NRG3: variants seen among roughly 807,000 people sequenced by gnomAD.
The protein encoded by NRG3 is neuregulin 3.
A neutral mutation model predicts 66.9 loss-of-function variants in NRG3; 31 were observed. The ratio of observed to expected loss-of-function variants is 0.46; its 90% CI spans 0.35 to 0.63. The LOEUF (loss-of-function observed/expected upper bound fraction) is 0.63. NRG3 is among the 20% of genes least tolerant of loss of function. The pLI, the probability that NRG3 is intolerant of heterozygous loss-of-function variation, is 0.00. For missense variants in NRG3, 910 were observed against 878.9 expected (o/e 1.04, Z -0.45); for synonymous variants, 393 against 359.4 (o/e 1.09, Z -1.06).
chr10:82,692,251 C>T (rs905748782), intron 2 of NRG3, among the ~76,000 whole-genome samples: 16 of 120,778 alleles, frequency 1.3e-4, no homozygotes, highest in Non-Finnish European at 1.4e-4. Context: ...GATTCCATCT[C>T]AAAAAAAAAA....
chr10:82,412,268 G>A (rs2088153715), intron 2 of NRG3, among the ~76,000 whole-genome samples: 1 of 152,100 alleles, frequency 6.6e-6, no homozygotes, highest in Non-Finnish European at 1.5e-5. Context: ...GGAACGTTGT[G>A]GTTTCAGTTT....
chr10:82,854,834 C>G (rs894743824), intron 3 of NRG3, among the ~76,000 whole-genome samples: 1 of 152,166 alleles, frequency 6.6e-6, no homozygotes, highest in African/African-American at 2.4e-5. Flanking sequence ...ATTCTTTTCA[C>G]TACATTCTCA....
chr10:82,325,630 T>C (rs1425993337), intron 1 of NRG3, among the ~76,000 whole-genome samples: 1 of 152,130 alleles, frequency 6.6e-6, no homozygotes, highest in African/African-American at 2.4e-5. Flanking sequence ...TTTTTTGCAT[T>C]TCCTTTGTTG....
intron 1 of NRG3, among the ~76,000 whole-genome samples, chr10:82,091,847 T>C (rs2066044436): frequency 6.6e-6 from 1 of 152,194 alleles, no homozygotes; most frequent in African/African-American, 2.4e-5. Context: ...ATAATAACCA[T>C]CTTAATGGAT....
At chr10:82,702,176 T>A (rs1198902826) in intron 2 of NRG3, among the ~76,000 whole-genome samples, 2 of 152,138 alleles carry the variant, frequency 1.3e-5, no homozygotes, top group Non-Finnish European at 1.5e-5. Context: ...TAAAAGTAAA[T>A]ACTTGGCGAT....
intron 1 of NRG3, among the ~76,000 whole-genome samples, chr10:82,274,999 C>T (rs893436452): frequency 4.6e-5 from 7 of 151,946 alleles, no homozygotes; most frequent in African/African-American, 1.7e-4. Flanking sequence ...CTAGCCTTTT[C>T]CTTTTGTGGA....
chr10:82,531,568 T>A (rs1228322505), intron 2 of NRG3, among the ~76,000 whole-genome samples: 1 of 151,846 alleles, frequency 6.6e-6, no homozygotes, highest in Non-Finnish European at 1.5e-5. Context: ...TTTTTAAAAA[T>A]GTGATACATT....
rs145255090 is a variant in NRG3, at chr10:82,173,899, T to A, written c.824-184840T>A. Among the ~76,000 whole-genome samples the A allele has an allele frequency of 2.0e-3, 297 of 152,230 alleles. 3 individuals are homozygous for A. Among genetic ancestry groups the A allele is most frequent in the African/African-American group, 6.6e-3 (274 of 41,552 alleles). ...TTTGTACTGAGACCTTTAAAGTAAT[T>A]TATTTGCTTCAAGACTCTTCATTGA... On this transcript the variant is annotated intron_variant, in intron 1 of 8. Transcript: ENST00000372141.
intron 1 of NRG3, among the ~76,000 whole-genome samples, chr10:82,169,568 A>T (rs1414281222): frequency 6.6e-6 from 1 of 151,398 alleles, no homozygotes; most frequent in Admixed American, 6.6e-5. Context: ...TGTAAAATGA[A>T]TTTTGCTTAA....
intron 2 of NRG3, among the ~76,000 whole-genome samples, chr10:82,489,440 G>A (rs890805288): frequency 1.3e-5 from 2 of 152,160 alleles, no homozygotes; most frequent in African/African-American, 4.8e-5. Flanking sequence ...CAGTCTCTGT[G>A]TCTAGAGCTC....
intron 4 of NRG3, among the ~76,000 whole-genome samples, chr10:82,943,892 A>G (rs1271301856): frequency 6.6e-6 from 1 of 152,222 alleles, no homozygotes; most frequent in Non-Finnish European, 1.5e-5. Context: ...AAGAAACCTT[A>G]CTTGATATCA....
chr10:82,029,322 A>G (rs1433231041), intron 1 of NRG3, among the ~76,000 whole-genome samples: 1 of 152,168 alleles, frequency 6.6e-6, no homozygotes, highest in Non-Finnish European at 1.5e-5. Context: ...TCCTTTGTAA[A>G]AATAGACATA....
intron 2 of NRG3, among the ~76,000 whole-genome samples, chr10:82,394,387 G>C (rs923384357): frequency 6.6e-6 from 1 of 152,160 alleles, no homozygotes; most frequent in Non-Finnish European, 1.5e-5. Context: ...GCAGATAATG[G>C]GTAGACACAG....
intron 1 of NRG3, among the ~76,000 whole-genome samples, chr10:82,253,602 C>T (rs546996967): frequency 2.0e-5 from 3 of 152,332 alleles, no homozygotes; most frequent in South Asian, 4.1e-4. Flanking sequence ...CATCACCTTA[C>T]TCAAAAGCAC....
chr10:82,671,575 C>T (rs769389939), intron 2 of NRG3, among the ~76,000 whole-genome samples: 2 of 152,198 alleles, frequency 1.3e-5, no homozygotes, highest in Non-Finnish European at 2.9e-5. Context: ...GGTTGGACAG[C>T]TCTGGTTTCT....
At chr10:82,880,357 C>T (rs1263955629) in intron 4 of NRG3, among the ~76,000 whole-genome samples, 3 of 151,910 alleles carry the variant, frequency 2.0e-5, no homozygotes, top group Non-Finnish European at 4.4e-5. Context: ...GACTGCCATT[C>T]GTGGAAGAGA....
At chr10:82,184,779 T>C (rs2073691273) in intron 1 of NRG3, among the ~76,000 whole-genome samples, 1 of 152,172 alleles carries the variant, frequency 6.6e-6, no homozygotes, top group South Asian at 2.1e-4. Context: ...CTTTGGGCTT[T>C]ATTAAAATCC....
chr10:82,971,960 T>C (rs1851795281), intron 6 of NRG3, among the ~76,000 whole-genome samples: 1 of 152,198 alleles, frequency 6.6e-6, no homozygotes, highest in Non-Finnish European at 1.5e-5. Flanking sequence ...GACTTTTTTC[T>C]CTGTTGTTTT....
chr10:82,702,286 A>G lies in NRG3; in HGVS notation c.954-36291A>G, dbSNP rs986034288. On this transcript the variant is annotated intron_variant, in intron 2 of 8. Coordinates refer to ENST00000372141, the MANE Select transcript of NRG3 (RefSeq NM_001010848.4). ...TAGAGATAATAAATTGACCGAAAATATAGAAGACTGAAGTTTTTGAAAGCA... is the reference window on the plus strand; with the variant it reads ...TAGAGATAATAAATTGACCGAAAATGTAGAAGACTGAAGTTTTTGAAAGCA... Among the ~76,000 whole-genome samples the G allele has an allele frequency of 5.3e-5, 8 of 152,218 alleles. 1 individual carries two copies. The South Asian group carries it at 8.3e-4, about 16-fold the overall frequency.
Sources: gnomAD v4.1 joint callset for allele counts (sites outside exome capture counted in the v4.1 genomes callset) on GRCh38, gnomAD v4.1.1 for gene constraint, MANE v1.5 for transcripts, NCBI Gene and HGNC (gene_info 2026-07-23, HGNC 2026-07-21) for gene names.